The following ZFHX4 variants were observed in gnomAD, a reference collection of about 807,000 sequenced individuals.
ZFHX4 encodes zinc finger homeobox protein 4.
ZFHX4 carries 56 observed loss-of-function variants against 267.6 expected under a neutral mutation model. The observed-to-expected ratio is 0.21, with a 90% CI of 0.17 to 0.26. The LOEUF is 0.26. Ranked by LOEUF, ZFHX4 falls within the 10% of genes least tolerant of loss-of-function variation. ZFHX4 has a pLI of 1.00. For synonymous variants in ZFHX4, 1,778 were observed against 1,665.6 expected (o/e 1.07, Z -1.64); for missense variants, 4,332 against 4,420.0 (o/e 0.98, Z 0.56).
At chr8:76,818,131 A>G (rs958555394) in intron 4 of ZFHX4, among the ~76,000 whole-genome samples, 1 of 152,218 alleles carries the variant, frequency 6.6e-6, no homozygotes, top group African/African-American at 2.4e-5. Context: ...TTAGAGGAAC[A>G]TTGAAACTGG....
chr8:76,690,001 C>T (rs183513156), intron 1 of ZFHX4, among the ~76,000 whole-genome samples: 99 of 152,108 alleles, frequency 6.5e-4, no homozygotes, highest in African/African-American at 1.0e-3. Flanking sequence ...GTTGTGAGGA[C>T]GTGTTTTGGT....
intron 5 of ZFHX4, among the ~76,000 whole-genome samples, chr8:76,837,820 G>T (rs1008021440): frequency 2.6e-5 from 4 of 152,108 alleles, no homozygotes; most frequent in Non-Finnish European, 5.9e-5. Flanking sequence ...ATATACAGGT[G>T]GGGGGAAAAT....
rs368185278 is a variant in ZFHX4 at position 76,728,455 on chromosome 8, T to C, written c.3093+20407T>C. 1.1e-4 allele frequency among the ~76,000 whole-genome samples: 17 copies of C among 152,298 alleles called. No homozygotes were observed. The East Asian group carries it at 3.1e-3, about 28-fold the overall frequency. On this transcript the variant is annotated intron_variant, in intron 3 of 10. Transcript: ENST00000651372. Reference sequence around the variant, plus strand: ...TGAGTTTAATTTTCTCTTTCCCCTCTGGGGGATATGAAAATGAGCTAAGAA... The same window carrying C: ...TGAGTTTAATTTTCTCTTTCCCCTCCGGGGGATATGAAAATGAGCTAAGAA...
At chr8:76,821,130 T>C (rs758823335) in intron 4 of ZFHX4, among the ~76,000 whole-genome samples, 15 of 152,162 alleles carry the variant, frequency 9.9e-5, no homozygotes, top group Non-Finnish European at 1.9e-4. Flanking sequence ...CATCTACACC[T>C]AGGTCCATCC....
intron 3 of ZFHX4, among the ~76,000 whole-genome samples, chr8:76,772,140 A>G (rs79722795): frequency 0.032 from 4,939 of 152,258 alleles, 94 homozygotes; most frequent in East Asian, 0.065. Flanking sequence ...TTAATAAAAG[A>G]ACGTTATGGA....
intron 3 of ZFHX4, among the ~76,000 whole-genome samples, chr8:76,714,104 C>T (rs1241733541): frequency 6.6e-6 from 1 of 152,150 alleles, no homozygotes; most frequent in African/African-American, 2.4e-5. Flanking sequence ...CTAAATTGCT[C>T]ATTTATCACC....
At chr8:76,756,817 T>C (rs1809776386) in intron 3 of ZFHX4, among the ~76,000 whole-genome samples, 1 of 152,018 alleles carries the variant, frequency 6.6e-6, no homozygotes, top group Non-Finnish European at 1.5e-5. Flanking sequence ...TCTGATTTTT[T>C]CTCTTTTTCA....
At chr8:76,744,068 G>A (rs1809391217) in intron 3 of ZFHX4, among the ~76,000 whole-genome samples, 1 of 152,104 alleles carries the variant, frequency 6.6e-6, no homozygotes, top group Admixed American at 6.6e-5. Context: ...ATGATATGCT[G>A]GGCACAGTGG....
Position 76,854,479 on chromosome 8 carries a change from C to G in ZFHX4, c.7558C>G (p.Gln2520Glu). 1 of 1,613,906 alleles carries G rather than the reference C, an allele frequency of 6.2e-7. No homozygotes were observed. Among genetic ancestry groups the G allele is most frequent in the Non-Finnish European group, 8.5e-7 (1 of 1,179,878 alleles). ...CCAGCACATGCACTTCCTTGCTGCT[C>G]AAAACCAATTCCTTCACTCTCCGTT... The part of the protein sequence containing the change: ...EHQHMHFLAA[Q>E]NQFLHSPFLE... The change falls in exon 10 of 11, where the codon CAA becomes GAA. Residue 2520 changes from glutamine (Q) to glutamate (E), a missense_variant. Coordinates refer to ENST00000651372, the MANE Select transcript of ZFHX4 (RefSeq NM_024721.5).
At chr8:76,863,062 G>A (rs1386391937) in intron 10 of ZFHX4, 32 bp from the exon 11 acceptor site, 2 of 1,482,844 alleles carry the variant, frequency 1.3e-6, no homozygotes, top group Admixed American at 4.9e-5. Flanking sequence ...TCTGTACATT[G>A]ACAGTGGCCA....
At position 76,851,387 on chromosome 8, in the gene ZFHX4, G is replaced by A. The variant is rs1338271711; in HGVS notation, c.4466G>A (p.Arg1489Lys). The A allele has an allele frequency of 6.2e-7, 1 of 1,613,870 alleles. No homozygotes were observed. The highest frequency in any genetic ancestry group is 1.7e-5 in the Admixed American group (1 of 60,020). The stretch of plus-strand genomic sequence containing the variant: ...CATGGCCTAGAGCAGGAAATGGAGA[G>A]AGAGTATGAGGTGGACCACGAAGGG... ...DDHGLEQEME[R>K]EYEVDHEGKA... Residue 1489 changes from arginine to lysine, a missense_variant, in exon 10 of 11, where the codon AGA (arginine) becomes AAA (lysine). Physicochemically the swap from Arg to Lys is conservative, Grantham distance 26. Coordinates refer to ENST00000651372, the MANE Select transcript of ZFHX4 (RefSeq NM_024721.5).
chr8:76,778,457 G>C lies in ZFHX4; in HGVS notation c.3325+18G>C. ...TGAGCTTGGTGAGTAACCCTGAAGA[G>C]GGCTGTCTCTGAGCCTCCCTCCACA... On this transcript the variant is annotated intron_variant, in intron 4 of 10. Coordinates refer to ENST00000651372, the MANE Select transcript of ZFHX4 (RefSeq NM_024721.5). 6.2e-7 allele frequency: 1 copy of C among 1,602,616 alleles called. No homozygotes were observed. Among genetic ancestry groups the C allele is most frequent in the Non-Finnish European group, 8.5e-7 (1 of 1,170,896 alleles).
At chr8:76,820,915 A>G (rs945123134) in intron 4 of ZFHX4, among the ~76,000 whole-genome samples, 2 of 152,174 alleles carry the variant, frequency 1.3e-5, no homozygotes, top group African/African-American at 4.8e-5. Flanking sequence ...TGCTAAAACC[A>G]GATGACTTTT....
chr8:76,700,820 T>C (rs1278585309), intron 1 of ZFHX4, among the ~76,000 whole-genome samples: 2 of 152,168 alleles, frequency 1.3e-5, no homozygotes, highest in African/African-American at 4.8e-5. Context: ...TTGAGGACTT[T>C]GGTGATTTTA....
At chr8:76,813,325 A>T (rs375914640) in intron 4 of ZFHX4, among the ~76,000 whole-genome samples, 22 of 152,286 alleles carry the variant, frequency 1.4e-4, no homozygotes, top group Non-Finnish European at 2.6e-4. Flanking sequence ...TATTGAGAAT[A>T]TTCACAAGTT....
At position 76,854,748 on chromosome 8, in the gene ZFHX4, A is replaced by G; in HGVS notation, c.7827A>G (p.Arg2609=). The G allele has an allele frequency of 6.2e-7, 1 of 1,612,326 alleles. No individual in the cohort carries two copies. The highest frequency in any genetic ancestry group is 1.7e-5 in the Admixed American group (1 of 59,808). Residue 2609 remains arginine (R), a synonymous_variant, in exon 10 of 11, where the codon AGA becomes AGG. Coordinates refer to ENST00000651372, the MANE Select transcript of ZFHX4 (RefSeq NM_024721.5). The part of the protein sequence containing the change: ...GEDQHRDKRL[R]TTITPEQLEI... ...ACCAACACCGAGATAAACGCTTGAG[A>G]ACCACGATCACCCCGGAACAGCTGG...
chr8:76,834,923 A>C (rs1271047882), intron 5 of ZFHX4, among the ~76,000 whole-genome samples: 1 of 151,200 alleles, frequency 6.6e-6, no homozygotes, highest in African/African-American at 2.4e-5. Flanking sequence ...ATGTTTCTGA[A>C]GGATATAAGG....
At chr8:76,859,013 G>A (rs1256914402) in intron 10 of ZFHX4, among the ~76,000 whole-genome samples, 1 of 152,186 alleles carries the variant, frequency 6.6e-6, no homozygotes, top group Non-Finnish European at 1.5e-5. Context: ...ATGAACATAA[G>A]AGTTTACTCA....
intron 4 of ZFHX4, among the ~76,000 whole-genome samples, chr8:76,786,016 C>G (rs1810679190): frequency 6.6e-6 from 1 of 152,030 alleles, no homozygotes; most frequent in African/African-American, 2.4e-5. Context: ...TGAAACAAAC[C>G]CGTAACGTGG....
Sources: allele counts gnomAD v4.1 joint callset (sites outside exome capture counted in the v4.1 genomes callset), GRCh38; gene constraint gnomAD v4.1.1; transcripts MANE v1.5; gene names NCBI Gene and HGNC (gene_info 2026-07-23, HGNC 2026-07-21).